Variants in APP observed in about 807,000 individuals in gnomAD.
APP encodes amyloid beta precursor protein, also known as amyloid-beta precursor protein.
A neutral mutation model predicts 101.4 loss-of-function variants in APP; 31 were observed. The ratio of observed to expected loss-of-function variants is 0.31; its 90% CI spans 0.23 to 0.41. The LOEUF (loss-of-function observed/expected upper bound fraction) is 0.41. Ranked by LOEUF, APP falls within the 10% of genes least tolerant of loss-of-function variation. The pLI, the probability that APP is intolerant of heterozygous loss-of-function variation, is 1.00. For synonymous variants in APP, 366 were observed against 364.4 expected, an observed-to-expected ratio of 1.00 and a Z score of -0.05; for missense variants, 839 against 1,003.7, an observed-to-expected ratio of 0.84 and a Z score of 2.22.
chr21:26,103,022 G>A (rs2062098347), intron 2 of APP, among the ~76,000 whole-genome samples: 1 of 150,048 alleles, frequency 6.7e-6, no homozygotes, highest in African/African-American at 2.4e-5. Flanking sequence ...TTCTATCAAA[G>A]AATGTCAAAA....
chr21:25,950,703 A>T (rs2041037962), intron 13 of APP, among the ~76,000 whole-genome samples: 1 of 152,056 alleles, frequency 6.6e-6, no homozygotes, highest in African/African-American at 2.4e-5. Context: ...AAAAGGAGGA[A>T]TTGAAGTGGG....
intron 3 of APP, among the ~76,000 whole-genome samples, chr21:26,057,907 T>C (rs984708076): frequency 3.9e-5 from 6 of 152,184 alleles, no homozygotes; most frequent in Non-Finnish European, 8.8e-5. Flanking sequence ...ATGTGGTCAA[T>C]TTGACAATAA....
At chr21:26,020,426 A>G (rs985204691) in intron 6 of APP, among the ~76,000 whole-genome samples, 5 of 152,332 alleles carry the variant, frequency 3.3e-5, no homozygotes, top group African/African-American at 1.2e-4. Context: ...AATGAAACTT[A>G]TATGTAAATT....
intron 2 of APP, among the ~76,000 whole-genome samples, chr21:26,109,415 ACTCTTT>A (rs2062261185): frequency 1.3e-5 from 2 of 150,880 alleles, no homozygotes; most frequent in Non-Finnish European, 3.0e-5. Context: ...CTCCCTTCAC[ACTCTTT>A]CTCTTTCTTG....
chr21:26,117,531 C>T (rs2062461617), intron 1 of APP, among the ~76,000 whole-genome samples: 1 of 152,138 alleles, frequency 6.6e-6, no homozygotes, highest in East Asian at 1.9e-4. Flanking sequence ...GAGGAAAGGG[C>T]ACCAGGTAAG....
At chr21:25,924,402 T>G in intron 13 of APP, among the ~76,000 whole-genome samples, 1 of 82,074 alleles carries the variant, frequency 1.2e-5, no homozygotes, top group Non-Finnish European at 2.3e-5. Flanking sequence ...AGATTTGAAT[T>G]TGCAAATACA....
chr21:26,026,394 G>A (rs1340210071), intron 5 of APP, among the ~76,000 whole-genome samples: 1 of 152,186 alleles, frequency 6.6e-6, no homozygotes, highest in African/African-American at 2.4e-5. Flanking sequence ...AATCACTGAT[G>A]ATAAAATTTT....
intron 5 of APP, among the ~76,000 whole-genome samples, chr21:26,026,523 A>G (rs561621705): frequency 1.3e-5 from 2 of 151,912 alleles, no homozygotes; most frequent in Non-Finnish European, 2.9e-5. Flanking sequence ...GTGCCGCCTG[A>G]TAAGTCCCTT....
At chr21:26,037,629 C>T (rs530577357) in intron 5 of APP, among the ~76,000 whole-genome samples, 6 of 152,324 alleles carry the variant, frequency 3.9e-5, no homozygotes, top group Non-Finnish European at 1.5e-5. Context: ...GTGGTCTCAG[C>T]ATCCTGTTCC....
At chr21:26,131,210 C>A (rs8131895) in intron 1 of APP, among the ~76,000 whole-genome samples, 83,807 of 151,708 alleles carry the variant, frequency 0.55, 25,197 homozygotes, top group South Asian at 0.7. Context: ...GCCCAGGTAA[C>A]AAGAGCGAAA....
intron 3 of APP, among the ~76,000 whole-genome samples, chr21:26,059,400 G>A (rs1211805703): frequency 6.6e-6 from 1 of 152,140 alleles, no homozygotes; most frequent in Non-Finnish European, 1.5e-5. Context: ...GAAATGTTCT[G>A]GCAATGTAAT....
At chr21:26,088,198 G>A (rs1601427452) in intron 3 of APP, among the ~76,000 whole-genome samples, 1 of 152,260 alleles carries the variant, frequency 6.6e-6, no homozygotes, top group Non-Finnish European at 1.5e-5. Flanking sequence ...GTGATCAACA[G>A]ATAGGATAAA....
At chr21:26,153,945 C>A (rs1447845272) in intron 1 of APP, among the ~76,000 whole-genome samples, 1 of 152,160 alleles carries the variant, frequency 6.6e-6, no homozygotes, top group South Asian at 2.1e-4. Flanking sequence ...AAAAGTTCAT[C>A]CATCATGCAT....
At position 26,021,873 on chromosome 21, in the gene APP, T is replaced by C; in HGVS notation, c.832A>G (p.Thr278Ala). The C allele has an allele frequency of 1.2e-6, 2 of 1,613,630 alleles. No homozygotes were observed. Among genetic ancestry groups the C allele is most frequent in the Non-Finnish European group, 1.7e-6 (2 of 1,179,842 alleles). Residue 278 changes from threonine (T) to alanine (A), a missense_variant, in exon 6 of 18, where the codon ACC (threonine) becomes GCC (alanine). Physicochemically the swap from Thr to Ala is moderately conservative, Grantham distance 58. Coordinates refer to ENST00000346798, the MANE Select transcript of APP (RefSeq NM_000484.4). ...RTTSIATTTTTTTESVEEVVR... is the reference protein window; with the variant it reads ...RTTSIATTTTATTESVEEVVR... ...ACCTCTTCCACAGACTCTGTGGTGG[T>C]GGTGGTGGTGGTGGCAATGCTGGTG...
intron 1 of APP, among the ~76,000 whole-genome samples, chr21:26,168,962 G>A (rs1331301644): frequency 1.3e-5 from 2 of 152,170 alleles, no homozygotes; most frequent in Non-Finnish European, 2.9e-5. Flanking sequence ...CATCTGCCCG[G>A]AAATTGCTTT....
chr21:26,021,810 T>TG, intron 6 of APP, 30 bp downstream of exon 6: 1 of 1,608,752 alleles, frequency 6.2e-7, no homozygotes, highest in Non-Finnish European at 8.5e-7. Context: ...TCCTTGGGGG[T>TG]GGGGGGAATC....
chr21:26,002,808 G>T (rs914171533), intron 6 of APP, among the ~76,000 whole-genome samples: 2 of 152,096 alleles, frequency 1.3e-5, no homozygotes, highest in African/African-American at 4.8e-5. Flanking sequence ...CCAAATATGT[G>T]TCTTCTTATA....
intron 3 of APP, among the ~76,000 whole-genome samples, chr21:26,077,150 C>A (rs190391524): frequency 1.1e-3 from 166 of 152,228 alleles, no homozygotes; most frequent in Non-Finnish European, 2.0e-3. Context: ...CTTCTTCCTG[C>A]CATCAAATAT....
chr21:25,905,235 G>A (rs928799080), intron 14 of APP, among the ~76,000 whole-genome samples, 158 bp from the exon 15 acceptor site: 4 of 152,182 alleles, frequency 2.6e-5, no homozygotes, highest in African/African-American at 9.7e-5. Context: ...TTAATCCCGA[G>A]CATCGAGGAC....
Sources: gnomAD v4.1 joint callset for allele counts (sites outside exome capture counted in the v4.1 genomes callset) on GRCh38, gnomAD v4.1.1 for gene constraint, MANE v1.5 for transcripts, NCBI Gene and HGNC (gene_info 2026-07-23, HGNC 2026-07-21) for gene names.